WWOX: variants seen among roughly 807,000 people sequenced by gnomAD.
WWOX encodes the protein WW domain containing oxidoreductase, also known as WW domain-containing oxidoreductase.
A neutral mutation model predicts 46.2 loss-of-function variants in WWOX; 69 were observed. The observed-to-expected ratio is 1.49, with a 90% CI of 1.23 to 1.82. The LOEUF (loss-of-function observed/expected upper bound fraction) is 1.82. Ranked by LOEUF, WWOX falls within the 40% of genes most tolerant of loss-of-function variation. The probability of loss-of-function intolerance (pLI) is 0.00; values close to 1 mark genes in which losing one functional copy is unlikely to be tolerated. For missense variants in WWOX, 919 were observed against 542.6 expected, an observed-to-expected ratio of 1.69 and a Z score of -6.89; for synonymous variants, 359 against 202.6, an observed-to-expected ratio of 1.77 and a Z score of -6.56.
intron 8 of WWOX, among the ~76,000 whole-genome samples, chr16:78,592,909 C>T (rs983466854): frequency 6.6e-6 from 1 of 152,170 alleles, no homozygotes; most frequent in Non-Finnish European, 1.5e-5. Flanking sequence ...AGGGAACTAA[C>T]TTCTTCCCTT....
At chr16:78,651,510 T>G (rs574521088) in intron 8 of WWOX, among the ~76,000 whole-genome samples, 8 of 152,334 alleles carry the variant, frequency 5.3e-5, no homozygotes, top group Non-Finnish European at 7.4e-5. Context: ...TGGGCTGGCA[T>G]GAGGCCAGAG....
chr16:78,221,177 ATCTCTAATG>A (rs1309412432), intron 5 of WWOX, among the ~76,000 whole-genome samples: 1 of 152,214 alleles, frequency 6.6e-6, no homozygotes, highest in Non-Finnish European at 1.5e-5. Flanking sequence ...AAGAAAATAA[ATCTCTAATG>A]TCCTCTGTAT....
intron 8 of WWOX, among the ~76,000 whole-genome samples, chr16:78,683,174 T>G (rs1216202500): frequency 6.6e-6 from 1 of 152,132 alleles, no homozygotes; most frequent in African/African-American, 2.4e-5. Context: ...GAGTGTTACT[T>G]GGTCTTTAAA....
chr16:78,653,566 G>C (rs147693417), intron 8 of WWOX, among the ~76,000 whole-genome samples: 3 of 152,348 alleles, frequency 2.0e-5, no homozygotes, highest in African/African-American at 7.2e-5. Flanking sequence ...GAGACCTTCT[G>C]CTTCCTCTGG....
At chr16:78,290,274 C>G (rs1182820287) in intron 5 of WWOX, among the ~76,000 whole-genome samples, 1 of 150,380 alleles carries the variant, frequency 6.6e-6, no homozygotes, top group African/African-American at 2.5e-5. Context: ...TCAGCTCCCT[C>G]CTCGTTCCCC....
intron 5 of WWOX, among the ~76,000 whole-genome samples, chr16:78,183,921 A>T (rs1157281937): frequency 6.6e-6 from 1 of 152,192 alleles, no homozygotes; most frequent in African/African-American, 2.4e-5. Flanking sequence ...AATTTGGAGA[A>T]AATTGAATCA....
At position 79,045,780 on chromosome 16, in the gene WWOX, C is replaced by CTTTTTTTTTT. The variant is rs770463813; in HGVS notation, c.1057-165798_1057-165789dup. ...AGCTCGTCTTTCCTTTTTTCTTTTC[C>CTTTTTTTTTT]TTTTTTTTTTTTTTTTTTTTTTTTT... On this transcript the variant is annotated intron_variant, in intron 8 of 8. Transcript: ENST00000566780. 6.3e-4 allele frequency among the ~76,000 whole-genome samples: 34 copies of CTTTTTTTTTT among 54,230 alleles called. 6 individuals carry two copies. The highest frequency in any genetic ancestry group is 1.5e-3 in the East Asian group (2 of 1,330). The allele number at this position is 54,230 out of a possible 152,430, so 35.6% of individuals were successfully genotyped here.
chr16:78,825,041 C>T (rs1428748703), intron 8 of WWOX, among the ~76,000 whole-genome samples: 1 of 152,126 alleles, frequency 6.6e-6, no homozygotes. Flanking sequence ...TCCCCTAAAC[C>T]CTACAAGGCT....
At chr16:78,927,949 A>T (rs2045535740) in intron 8 of WWOX, among the ~76,000 whole-genome samples, 1 of 152,022 alleles carries the variant, frequency 6.6e-6, no homozygotes, top group African/African-American at 2.4e-5. Flanking sequence ...ATTTGTGCTT[A>T]AAACTGAATA....
chr16:78,444,826 G>C (rs2083521848), intron 8 of WWOX, among the ~76,000 whole-genome samples: 1 of 152,092 alleles, frequency 6.6e-6, no homozygotes, highest in Non-Finnish European at 1.5e-5. Flanking sequence ...CACCGCACCC[G>C]GCCTATGAGG....
intron 8 of WWOX, among the ~76,000 whole-genome samples, chr16:78,774,602 A>G (rs2050145438): frequency 6.6e-6 from 1 of 151,844 alleles, no homozygotes; most frequent in Admixed American, 6.6e-5. Context: ...AAGATAGCAT[A>G]AGGTAGTTCC....
intron 5 of WWOX, among the ~76,000 whole-genome samples, chr16:78,308,687 T>C (rs1342227934): frequency 6.6e-6 from 1 of 152,176 alleles, no homozygotes; most frequent in Non-Finnish European, 1.5e-5. Context: ...GTCTGGCACC[T>C]TTTTAGTTTT....
At chr16:78,645,165 C>T (rs772158870) in intron 8 of WWOX, among the ~76,000 whole-genome samples, 1 of 152,242 alleles carries the variant, frequency 6.6e-6, no homozygotes, top group Admixed American at 6.5e-5. Flanking sequence ...TCTTTCCTAT[C>T]GAAGGGTTTT....
intron 8 of WWOX, among the ~76,000 whole-genome samples, chr16:78,453,990 G>C (rs2083752394): frequency 1.3e-5 from 2 of 152,084 alleles, no homozygotes; most frequent in African/African-American, 2.4e-5. Context: ...CCTGGTTTTT[G>C]TTGTCATTGA....
chr16:79,198,367 A>T (rs1372993962), intron 8 of WWOX, among the ~76,000 whole-genome samples: 2 of 152,152 alleles, frequency 1.3e-5, no homozygotes, highest in African/African-American at 4.8e-5. Flanking sequence ...AGAAAAGAGT[A>T]AGATTAAAAA....
At chr16:78,420,383 G>A (rs1157114656) in intron 6 of WWOX, among the ~76,000 whole-genome samples, 1 of 152,102 alleles carries the variant, frequency 6.6e-6, no homozygotes, top group Non-Finnish European at 1.5e-5. Context: ...CATCATTGGT[G>A]AATGGATAAA....
chr16:78,613,841 A>T (rs1267437282), intron 8 of WWOX, among the ~76,000 whole-genome samples: 2 of 152,242 alleles, frequency 1.3e-5, no homozygotes, highest in African/African-American at 4.8e-5. Context: ...AAGAGAATAC[A>T]CTGCGTATTC....
intron 8 of WWOX, among the ~76,000 whole-genome samples, chr16:78,726,616 C>G (rs2048842865): frequency 6.6e-6 from 1 of 152,116 alleles, no homozygotes; most frequent in East Asian, 1.9e-4. Flanking sequence ...GTCAACTAAA[C>G]AATTTATTTG....
chr16:78,103,157 G>T (rs1471434925), intron 1 of WWOX, among the ~76,000 whole-genome samples: 3 of 151,918 alleles, frequency 2.0e-5, no homozygotes, highest in Non-Finnish European at 4.4e-5. Flanking sequence ...CAGGGGACTC[G>T]GGTGCATACA....
Sources: gnomAD v4.1 joint callset for allele counts (sites outside exome capture counted in the v4.1 genomes callset) on GRCh38, gnomAD v4.1.1 for gene constraint, MANE v1.5 for transcripts, NCBI Gene and HGNC (gene_info 2026-07-23, HGNC 2026-07-21) for gene names.